The following AGBL4 variants were observed in gnomAD, a reference collection of about 807,000 sequenced individuals.
AGBL4 encodes AGBL carboxypeptidase 4.
AGBL4 carries 58 observed loss-of-function variants against 66.4 expected under a neutral mutation model. The ratio of observed to expected loss-of-function variants is 0.87; its 90% CI spans 0.71 to 1.09. The LOEUF (loss-of-function observed/expected upper bound fraction) is 1.09, where lower values mean the gene tolerates loss of function less well. Ranked by LOEUF, AGBL4 falls within the 50% of genes least tolerant of loss-of-function variation. AGBL4 has a pLI of 0.00. For missense variants in AGBL4, 579 were observed against 631.0 expected (o/e 0.92, Z 0.88); for synonymous variants, 234 against 222.9 (o/e 1.05, Z -0.44).
rs546656285 is a variant in AGBL4 at position 49,607,685 on chromosome 1, G to A, written c.282+89628C>T. Among the ~76,000 whole-genome samples, 4 of 152,144 alleles carry A rather than the reference G, an allele frequency of 2.6e-5. No homozygotes were observed. The South Asian group carries it at 6.2e-4, about 24-fold the overall frequency. ...TCTTTAGTCTATACAGCAAGACTAC[G>A]GTCTCCTTAAAGTCAAGATCAGCTG... On this transcript the variant is annotated intron_variant, in intron 3 of 13. Coordinates refer to ENST00000371839, the MANE Select transcript of AGBL4 (RefSeq NM_032785.4).
intron 3 of AGBL4, among the ~76,000 whole-genome samples, chr1:49,285,916 G>T (rs1338662497): frequency 6.6e-6 from 1 of 152,100 alleles, no homozygotes; most frequent in East Asian, 1.9e-4. Flanking sequence ...CCAAAAAAGA[G>T]AATTTTACAC....
intron 3 of AGBL4, among the ~76,000 whole-genome samples, chr1:49,283,410 A>G (rs1644326148): frequency 6.6e-6 from 1 of 152,234 alleles, no homozygotes; most frequent in Admixed American, 6.5e-5. Flanking sequence ...ATAAAACTGC[A>G]AAGATGGGGA....
intron 5 of AGBL4, among the ~76,000 whole-genome samples, chr1:48,942,538 A>T (rs767989111): frequency 1.3e-5 from 2 of 152,236 alleles, no homozygotes; most frequent in African/African-American, 4.8e-5. Context: ...TGTCTGGCAT[A>T]TAAGCAGATG....
chr1:48,575,173 T>A (rs956240567), intron 11 of AGBL4, among the ~76,000 whole-genome samples: 3 of 152,176 alleles, frequency 2.0e-5, no homozygotes, highest in Non-Finnish European at 4.4e-5. Flanking sequence ...ATAAAGTATG[T>A]GGCTCATGAA....
Position 49,170,227 on chromosome 1 carries a change from G to GTTATAAATTTATATTCATATAAATATA in AGBL4, c.377+75516_377+75542dup, listed in dbSNP as rs1243714508. On this transcript the variant is annotated intron_variant, in intron 4 of 13. Transcript: ENST00000371839. ...TATAAATTTATATTCATATAAATAT[G>GTTATAAATTTATATTCATATAAATATA]TTATAAATTTATATTCATATAAATA... 5.0e-4 allele frequency among the ~76,000 whole-genome samples: 71 copies of GTTATAAATTTATATTCATATAAATATA among 142,124 alleles called. 1 individual carries two copies. Among genetic ancestry groups the GTTATAAATTTATATTCATATAAATATA allele is most frequent in the African/African-American group, 1.4e-3 (56 of 38,760 alleles). 93.2% of individuals were successfully genotyped at this position (142,124 alleles called of 152,430 possible).
chr1:48,595,262 C>T (rs1415675578), intron 9 of AGBL4, among the ~76,000 whole-genome samples: 2 of 152,106 alleles, frequency 1.3e-5, no homozygotes, highest in Non-Finnish European at 2.9e-5. Flanking sequence ...TCTTTGAGGG[C>T]AAGGATCTTA....
At chr1:49,269,725 G>A (rs1252826052) in intron 3 of AGBL4, among the ~76,000 whole-genome samples, 1 of 152,100 alleles carries the variant, frequency 6.6e-6, no homozygotes, top group East Asian at 1.9e-4. Flanking sequence ...TAAGCTCAAG[G>A]TGGTATATAA....
intron 3 of AGBL4, among the ~76,000 whole-genome samples, chr1:49,456,064 A>G (rs1455719873): frequency 6.6e-6 from 1 of 151,734 alleles, no homozygotes; most frequent in African/African-American, 2.4e-5. Flanking sequence ...ACACATTATC[A>G]ATCAATCAAA....
At chr1:48,911,619 CAAAAAAAAA>C (rs746193402) in intron 5 of AGBL4, among the ~76,000 whole-genome samples, 1 of 70,286 alleles carries the variant, frequency 1.4e-5, no homozygotes, top group Non-Finnish European at 3.0e-5. Flanking sequence ...AACTCCGTCT[CAAAAAAAAA>C]AAAAAAAAAA....
intron 3 of AGBL4, among the ~76,000 whole-genome samples, chr1:49,664,493 A>T (rs577967354): frequency 1.3e-5 from 2 of 152,208 alleles, no homozygotes; most frequent in South Asian, 4.1e-4. Context: ...GAAATGCTAG[A>T]ATACCAAGAT....
chr1:48,833,879 G>C (rs1317274702), intron 6 of AGBL4, among the ~76,000 whole-genome samples: 1 of 152,156 alleles, frequency 6.6e-6, no homozygotes, highest in Non-Finnish European at 1.5e-5. Context: ...AGATTATCAG[G>C]ACTGCCACTT....
At chr1:48,975,797 G>A (rs568944974) in intron 5 of AGBL4, among the ~76,000 whole-genome samples, 25 of 152,214 alleles carry the variant, frequency 1.6e-4, no homozygotes, top group Non-Finnish European at 2.8e-4. Context: ...TTCAGTTCAC[G>A]CTATGACTTC....
intron 12 of AGBL4, among the ~76,000 whole-genome samples, chr1:48,535,168 G>A (rs748305925): frequency 6.6e-6 from 1 of 152,080 alleles, no homozygotes; most frequent in Non-Finnish European, 1.5e-5. Context: ...ATGTGCAGAA[G>A]GACTTAGGGA....
At chr1:49,304,219 C>T (rs990524346) in intron 3 of AGBL4, among the ~76,000 whole-genome samples, 1 of 152,100 alleles carries the variant, frequency 6.6e-6, no homozygotes, top group African/African-American at 2.4e-5. Context: ...TTCCCAGCAC[C>T]ATTTATTAAA....
chr1:48,781,224 G>C lies in AGBL4; in HGVS notation c.634+85967C>G, dbSNP rs142916817. Among the ~76,000 whole-genome samples, 269 of 152,296 alleles carry C rather than the reference G, an allele frequency of 1.8e-3. 1 individual carries two copies. The highest frequency in any genetic ancestry group is 3.2e-3 in the Non-Finnish European group (219 of 68,022). Reference sequence around the variant, plus strand: ...CCCGGATGCTGACAGAGTAAACACAGATCAAAACACATGTTTCATAGATCC... The same window carrying C: ...CCCGGATGCTGACAGAGTAAACACACATCAAAACACATGTTTCATAGATCC... On this transcript the variant is annotated intron_variant, in intron 6 of 13. Transcript: ENST00000371839.
intron 3 of AGBL4, among the ~76,000 whole-genome samples, chr1:49,632,485 A>G (rs1645589489): frequency 1.3e-5 from 2 of 152,192 alleles, no homozygotes; most frequent in African/African-American, 2.4e-5. Flanking sequence ...ATTTTGTCTT[A>G]GAAGCTCATC....
intron 1 of AGBL4, among the ~76,000 whole-genome samples, chr1:49,975,652 T>A (rs1225576347): frequency 1.3e-5 from 2 of 152,302 alleles, no homozygotes; most frequent in Admixed American, 6.5e-5. Context: ...AGAGACCACA[T>A]TTGAAATCGT....
intron 6 of AGBL4, among the ~76,000 whole-genome samples, chr1:48,801,522 G>A (rs751565327): frequency 6.6e-6 from 1 of 152,170 alleles, no homozygotes; most frequent in Non-Finnish European, 1.5e-5. Flanking sequence ...GACTGAGAGT[G>A]CCTACAGGGC....
intron 3 of AGBL4, among the ~76,000 whole-genome samples, chr1:49,390,366 G>T (rs1384746841): frequency 6.6e-6 from 1 of 152,178 alleles, no homozygotes; most frequent in East Asian, 1.9e-4. Flanking sequence ...GATGATCAAT[G>T]ATAGGAAAAA....
Sources: gnomAD v4.1 joint callset for allele counts (sites outside exome capture counted in the v4.1 genomes callset) on GRCh38, gnomAD v4.1.1 for gene constraint, MANE v1.5 for transcripts, NCBI Gene and HGNC (gene_info 2026-07-23, HGNC 2026-07-21) for gene names.